Variants in DAGLA observed in about 807,000 individuals in gnomAD.
DAGLA encodes diacylglycerol lipase alpha, also known as diacylglycerol lipase-alpha.
Under a neutral mutation model 102.6 loss-of-function variants are expected in DAGLA, and 22 were observed. The observed-to-expected ratio is 0.21, with a 90% CI of 0.15 to 0.31. DAGLA has a LOEUF of 0.31. DAGLA is among the 10% of genes least tolerant of loss of function. The pLI, the probability that DAGLA is intolerant of heterozygous loss-of-function variation, is 1.00. For synonymous variants in DAGLA, 578 were observed against 628.9 expected, an observed-to-expected ratio of 0.92 and a Z score of 1.21; for missense variants, 927 against 1,446.6, an observed-to-expected ratio of 0.64 and a Z score of 5.83.
intron 1 of DAGLA, among the ~76,000 whole-genome samples, chr11:61,682,371 C>G (rs1170803070): frequency 6.6e-6 from 1 of 151,956 alleles, no homozygotes; most frequent in Non-Finnish European, 1.5e-5. Flanking sequence ...AGGAAGGGAG[C>G]CGGAAGGTTG....
intron 1 of DAGLA, among the ~76,000 whole-genome samples, chr11:61,685,420 C>T (rs1352771836): frequency 6.6e-6 from 1 of 152,126 alleles, no homozygotes; most frequent in Admixed American, 6.5e-5. Flanking sequence ...GAAGTTAGCT[C>T]CCCACATCCT....
Position 61,684,749 on chromosome 11 carries a change from G to A in DAGLA, c.-45+4245G>A, listed in dbSNP as rs2064973149. The stretch of plus-strand genomic sequence containing the variant: ...TGTGGGAAGTGAGGGCGGAGGGGGT[G>A]TGGAGCGCCTGGTGGTGTGGGAGCG... On this transcript the variant is annotated intron_variant, in intron 1 of 19. Transcript: ENST00000257215. The surrounding 1 kb of genome is among the most constrained non-coding windows in gnomAD (Gnocchi z 4.5). 6.6e-6 allele frequency among the ~76,000 whole-genome samples: 1 copy of A among 152,128 alleles called. No homozygotes were observed.
rs1276313962 is a variant in DAGLA at position 61,718,017 on chromosome 11, T to A, written c.-44-2095T>A. On this transcript the variant is annotated intron_variant, in intron 1 of 19. Coordinates refer to ENST00000257215, the MANE Select transcript of DAGLA (RefSeq NM_006133.3). ...TGTGTGTTGGGTGGATGGTGTGTGATCTCGAGGAGTGTTAGCTATCCTGGG... is the reference window on the plus strand; with the variant it reads ...TGTGTGTTGGGTGGATGGTGTGTGAACTCGAGGAGTGTTAGCTATCCTGGG... 3.3e-5 allele frequency among the ~76,000 whole-genome samples: 5 copies of A among 152,120 alleles called. No homozygotes were observed. The East Asian group carries it at 7.7e-4, about 24-fold the overall frequency.
At chr11:61,712,056 G>A (rs1488287779) in intron 1 of DAGLA, among the ~76,000 whole-genome samples, 5 of 152,168 alleles carry the variant, frequency 3.3e-5, no homozygotes, top group African/African-American at 4.8e-5. Flanking sequence ...TTCTGGGTCC[G>A]GCCCAGGCTG....
intron 1 of DAGLA, among the ~76,000 whole-genome samples, chr11:61,687,059 T>C (rs962766011): frequency 3.9e-5 from 6 of 152,208 alleles, no homozygotes; most frequent in Non-Finnish European, 7.3e-5. Flanking sequence ...ATTTTCTGAA[T>C]GTGGATGAAC....
rs753171015 is a variant in DAGLA at position 61,741,378 on chromosome 11, C to T, written c.2171+29C>T. The T allele has an allele frequency of 1.8e-5, 29 of 1,592,672 alleles. No homozygotes were observed. The Admixed American group carries it at 4.1e-4, about 22-fold the overall frequency. On this transcript the variant is annotated intron_variant, in intron 19 of 19. Transcript: ENST00000257215. ...AGCCTTGGCCACTCCCAGCCCCACC[C>T]CAGGGTGAGTGTGGTTCAGAGCACA...
chr11:61,735,680 C>T lies in DAGLA; in HGVS notation c.1212+36C>T, dbSNP rs1426551181. On this transcript the variant is annotated intron_variant, in intron 11 of 19. Coordinates refer to ENST00000257215, the MANE Select transcript of DAGLA (RefSeq NM_006133.3). ...CATGGCTCCCAGCCCCCGGGGGTGCCTGCCTCCCTCTTCCTGTCCTCTTTA... is the reference window on the plus strand; with the variant it reads ...CATGGCTCCCAGCCCCCGGGGGTGCTTGCCTCCCTCTTCCTGTCCTCTTTA... The T allele has an allele frequency of 3.1e-6, 5 of 1,612,842 alleles. No homozygotes were observed. The South Asian group carries it at 4.4e-5, about 14-fold the overall frequency.
intron 15 of DAGLA, 54 bp from the exon 16 acceptor site, chr11:61,738,081 T>C: frequency 6.8e-7 from 1 of 1,466,966 alleles, no homozygotes; most frequent in Non-Finnish European, 9.5e-7. Flanking sequence ...GCCCCATACC[T>C]CTCATAGCCG....
At chr11:61,695,329 G>T (rs937674938) in intron 1 of DAGLA, among the ~76,000 whole-genome samples, 1 of 152,226 alleles carries the variant, frequency 6.6e-6, no homozygotes, top group African/African-American at 2.4e-5. Flanking sequence ...AGGCATCAGT[G>T]TCGGAGCTCT....
At chr11:61,716,946 G>A (rs987495516) in intron 1 of DAGLA, among the ~76,000 whole-genome samples, 2 of 152,082 alleles carry the variant, frequency 1.3e-5, no homozygotes, top group Non-Finnish European at 2.9e-5. Flanking sequence ...TGCCTGTGCT[G>A]GGGGTCCAAC....
At chr11:61,731,933 G>A (rs2065378839) in intron 9 of DAGLA, among the ~76,000 whole-genome samples, 1 of 152,162 alleles carries the variant, frequency 6.6e-6, no homozygotes, top group Non-Finnish European at 1.5e-5. Flanking sequence ...AATCCATAGA[G>A]GTCTTTGAAA....
chr11:61,706,767 G>A (rs904044654), intron 1 of DAGLA, among the ~76,000 whole-genome samples: 1 of 152,296 alleles, frequency 6.6e-6, no homozygotes, highest in South Asian at 2.1e-4. Context: ...GTCTTCCTAG[G>A]ACTGGGCCTG....
chr11:61,699,022 A>G (rs1471956062), intron 1 of DAGLA, among the ~76,000 whole-genome samples: 3 of 152,238 alleles, frequency 2.0e-5, no homozygotes, highest in Non-Finnish European at 4.4e-5. Context: ...TGTGGTGCAC[A>G]GCAGAGCAGA....
intron 1 of DAGLA, among the ~76,000 whole-genome samples, chr11:61,719,202 G>A (rs1214654832): frequency 6.6e-6 from 1 of 152,160 alleles, no homozygotes; most frequent in Non-Finnish European, 1.5e-5. Context: ...CTGAGTTCCT[G>A]GGCACTCTTT....
Position 61,716,066 on chromosome 11 carries a change from G to A in DAGLA, c.-44-4046G>A, listed in dbSNP as rs531273641. Among the ~76,000 whole-genome samples, 18 of 152,300 alleles carry A rather than the reference G, an allele frequency of 1.2e-4. No homozygotes were observed. In the South Asian group the frequency reaches 3.5e-3, roughly 30 times the overall value. ...GGGTGTGAGCTCAGAGGGGGAAGGA[G>A]CCACTGTCTCAGCCCTTGTGACTGG... On this transcript the variant is annotated intron_variant, in intron 1 of 19. Transcript: ENST00000257215.
Position 61,741,324 on chromosome 11 carries a change from G to A in DAGLA, c.2146G>A (p.Ala716Thr), listed in dbSNP as rs1255572693. 3 of 1,608,862 alleles carry A rather than the reference G, an allele frequency of 1.9e-6. No homozygotes were observed. The highest frequency in any genetic ancestry group is 2.5e-6 in the Non-Finnish European group (3 of 1,179,828). ...TGGCCTTGCCCTGGAGCTGCCGACT[G>A]CAGACCACCGCAACAGCAGCGTCAG... ...PTGLALELPT[A>T]DHRNSSVRSK... Residue 716 changes from alanine (A) to threonine (T), a missense_variant, in exon 19 of 20, where the codon GCA becomes ACA. By Grantham distance (58) the Ala-to-Thr change is moderately conservative. Coordinates refer to ENST00000257215, the MANE Select transcript of DAGLA (RefSeq NM_006133.3).
intron 1 of DAGLA, among the ~76,000 whole-genome samples, chr11:61,697,482 G>A (rs950905543): frequency 2.0e-5 from 3 of 152,048 alleles, no homozygotes; most frequent in Non-Finnish European, 2.9e-5. Flanking sequence ...CCATTCCTGC[G>A]CAGGAGCACA....
At chr11:61,680,769 A>T (rs1421950936) in intron 1 of DAGLA, among the ~76,000 whole-genome samples, 1 of 151,222 alleles carries the variant, frequency 6.6e-6, no homozygotes, top group Admixed American at 6.6e-5. Context: ...GTCTCAGAAG[A>T]CTCGCCTCCA....
rs1194204652 is a variant in DAGLA at position 61,684,425 on chromosome 11, T to C, written c.-45+3921T>C. On this transcript the variant is annotated intron_variant, in intron 1 of 19. Transcript: ENST00000257215. The surrounding 1 kb of genome is among the most constrained non-coding windows in gnomAD (Gnocchi z 4.5). ...TCTTTTTTTGTTTCTGATACTGACT[T>C]GGGCTGGGCGTGGTCTTTCTGGGTT... is the stretch of plus-strand genomic sequence containing the variant. 6.6e-6 allele frequency among the ~76,000 whole-genome samples: 1 copy of C among 152,180 alleles called. No individual in the cohort carries two copies. Among genetic ancestry groups the C allele is most frequent in the Admixed American group, 6.5e-5 (1 of 15,280 alleles).
Sources: allele counts gnomAD v4.1 joint callset (sites outside exome capture counted in the v4.1 genomes callset), GRCh38; gene constraint gnomAD v4.1.1; non-coding constraint Gnocchi (gnomAD v3.1); transcripts MANE v1.5; gene names NCBI Gene and HGNC (gene_info 2026-07-23, HGNC 2026-07-21).